RERE: variants seen among roughly 807,000 people sequenced by gnomAD.
RERE encodes arginine-glutamic acid dipeptide repeats protein.
Under a neutral mutation model 146.1 loss-of-function variants are expected in RERE, and 40 were observed. The observed-to-expected ratio is 0.27, with a 90% CI of 0.21 to 0.36. The LOEUF is 0.36. Among genes scored for constraint, RERE ranks in the 10% least tolerant of loss-of-function variants. The probability of loss-of-function intolerance (pLI) is 1.00; values close to 1 mark genes in which losing one functional copy is unlikely to be tolerated. For synonymous variants in RERE, 1,003 were observed against 866.0 expected, an observed-to-expected ratio of 1.16 and a Z score of -2.78; for missense variants, 1,933 against 2,138.7, an observed-to-expected ratio of 0.90 and a Z score of 1.90.
In RERE at chr1:8,364,041, C is replaced by T. The variant is rs780692135; in HGVS notation, c.1740+15G>A. 6.2e-7 allele frequency: 1 copy of T among 1,611,498 alleles called. No individual in the cohort carries two copies. The highest frequency in any genetic ancestry group is 8.5e-7 in the Non-Finnish European group (1 of 1,177,958). ...GAAGAAGTTGCCAGGAGCCCCATGGCCCCAGGGGACTCACCGAGCCCCGAC... is the reference window on the plus strand; with the variant it reads ...GAAGAAGTTGCCAGGAGCCCCATGGTCCCAGGGGACTCACCGAGCCCCGAC... On this transcript the variant is annotated intron_variant, in intron 15 of 22. Transcript: ENST00000400908. The surrounding 1 kb of genome is among the most constrained non-coding windows in gnomAD (Gnocchi z 5.1).
At chr1:8,620,879 A>C (rs1646908419) in intron 3 of RERE, among the ~76,000 whole-genome samples, 1 of 151,868 alleles carries the variant, frequency 6.6e-6, no homozygotes, top group African/African-American at 2.4e-5. Context: ...AAATAAGCCC[A>C]ATCAAATGAA....
intron 9 of RERE, 79 bp downstream of exon 9, chr1:8,497,326 G>A: frequency 6.7e-7 from 1 of 1,490,946 alleles, no homozygotes; most frequent in East Asian, 2.3e-5. Context: ...AAAATCTCAG[G>A]GGAAATGCAA....
At chr1:8,375,495 A>T (rs1642204298) in intron 12 of RERE, among the ~76,000 whole-genome samples, 1 of 152,078 alleles carries the variant, frequency 6.6e-6, no homozygotes, top group East Asian at 1.9e-4. Flanking sequence ...ATGGTGGCTT[A>T]GGAAGCCACT....
intron 2 of RERE, among the ~76,000 whole-genome samples, chr1:8,647,752 T>A (rs1157649341): frequency 6.6e-6 from 1 of 151,890 alleles, no homozygotes; most frequent in Non-Finnish European, 1.5e-5. Context: ...AGTAATTAAT[T>A]GCCTTACAGA....
intron 12 of RERE, among the ~76,000 whole-genome samples, chr1:8,407,371 G>A (rs1369478637): frequency 2.0e-5 from 3 of 152,118 alleles, no homozygotes; most frequent in East Asian, 3.8e-4. Flanking sequence ...GAGACAGTTC[G>A]CATCTCAACA....
At chr1:8,580,322 T>C (rs551232959) in intron 4 of RERE, among the ~76,000 whole-genome samples, 7 of 152,202 alleles carry the variant, frequency 4.6e-5, no homozygotes, top group Non-Finnish European at 5.9e-5. Flanking sequence ...ACCAGTTTAA[T>C]TGCATTTACC....
chr1:8,809,700 G>A (rs1641756727), intron 1 of RERE, among the ~76,000 whole-genome samples: 1 of 152,138 alleles, frequency 6.6e-6, no homozygotes, highest in Admixed American at 6.5e-5. Context: ...GCATCTTGGA[G>A]TCAATAAAAT....
At chr1:8,570,363 ATT>A (rs986007234) in intron 4 of RERE, among the ~76,000 whole-genome samples, 1 of 151,966 alleles carries the variant, frequency 6.6e-6, no homozygotes, top group African/African-American at 2.4e-5. Context: ...AAAAAAATAA[ATT>A]TTTTTGTAAT....
At chr1:8,643,727 A>G (rs947526446) in intron 2 of RERE, among the ~76,000 whole-genome samples, 1 of 152,250 alleles carries the variant, frequency 6.6e-6, no homozygotes, top group Non-Finnish European at 1.5e-5. Context: ...CACAGCAGAC[A>G]GGGCAACCTG....
chr1:8,372,883 A>G (rs985232974), intron 12 of RERE, among the ~76,000 whole-genome samples: 11 of 152,174 alleles, frequency 7.2e-5, no homozygotes, highest in African/African-American at 2.4e-4. Context: ...GAAGTTTCCA[A>G]TGGGCACCCT....
intron 11 of RERE, among the ~76,000 whole-genome samples, chr1:8,429,422 G>C (rs1363620354): frequency 2.6e-5 from 4 of 152,186 alleles, no homozygotes; most frequent in African/African-American, 9.7e-5. Context: ...ATACTGGGCT[G>C]AGAGTAAACC....
At chr1:8,422,932 G>A in intron 11 of RERE, 125 bp from the exon 12 acceptor site, 1 of 689,220 alleles carries the variant, frequency 1.5e-6, no homozygotes, top group Non-Finnish European at 2.6e-6. Flanking sequence ...GAATACTGCC[G>A]AGGCTCGGAG....
intron 12 of RERE, among the ~76,000 whole-genome samples, chr1:8,378,030 A>T (rs1016326469): frequency 2.0e-5 from 3 of 152,232 alleles, no homozygotes; most frequent in African/African-American, 7.2e-5. Context: ...TGCACAGCAA[A>T]TTATCATGTA....
In RERE at chr1:8,746,876, AAG is replaced by A. The variant is rs201913344; in HGVS notation, c.-145+70282_-145+70283del. 1.1e-3 allele frequency among the ~76,000 whole-genome samples: 161 copies of A among 144,914 alleles called. 1 individual carries two copies. The highest frequency in any genetic ancestry group is 6.8e-3 in the East Asian group (33 of 4,842). On this transcript the variant is annotated intron_variant, in intron 1 of 22. Transcript: ENST00000400908. ...AGAGAAGAGAGATGGGGGAACAAAA[AAG>A]AGAGAGAGAGAGAGAGAGAGAAAGG...
intron 12 of RERE, among the ~76,000 whole-genome samples, chr1:8,379,686 G>T (rs1181031508): frequency 6.6e-6 from 1 of 152,220 alleles, no homozygotes; most frequent in Non-Finnish European, 1.5e-5. Flanking sequence ...AGGCTGCTAT[G>T]CATGTGGGGC....
chr1:8,782,658 C>A (rs1641186296), intron 1 of RERE, among the ~76,000 whole-genome samples: 1 of 152,206 alleles, frequency 6.6e-6, no homozygotes, highest in Non-Finnish European at 1.5e-5. Context: ...GTAATCCCAG[C>A]ACTTTGGGAG....
At chr1:8,489,693 G>A (rs1644950551) in intron 10 of RERE, among the ~76,000 whole-genome samples, 1 of 152,126 alleles carries the variant, frequency 6.6e-6, no homozygotes, top group African/African-American at 2.4e-5. Flanking sequence ...CCAAGTCTTG[G>A]TGAAGATGCT....
chr1:8,379,975 C>G (rs957493948), intron 12 of RERE, among the ~76,000 whole-genome samples: 1 of 152,226 alleles, frequency 6.6e-6, no homozygotes, highest in Non-Finnish European at 1.5e-5. Context: ...ATCCTGGCCG[C>G]TCCTGTTCTG....
At chr1:8,617,395 C>G (rs187835768) in intron 3 of RERE, among the ~76,000 whole-genome samples, 1 of 129,302 alleles carries the variant, frequency 7.7e-6, no homozygotes, top group East Asian at 2.7e-4. Flanking sequence ...AAGAATTAAA[C>G]AAAATTAGAA....
Sources: gnomAD v4.1 joint callset for allele counts (sites outside exome capture counted in the v4.1 genomes callset) on GRCh38, gnomAD v4.1.1 for gene constraint, Gnocchi (gnomAD v3.1) non-coding constraint, MANE v1.5 for transcripts, NCBI Gene and HGNC (gene_info 2026-07-23, HGNC 2026-07-21) for gene names.